HMCN2: variants seen among roughly 807,000 people sequenced by gnomAD.
HMCN2 encodes hemicentin-2.
In HMCN2, 325 loss-of-function variants were observed where a neutral mutation model predicts 377.5. The observed-to-expected ratio is 0.86, with a 90% CI of 0.79 to 0.94. The LOEUF is 0.94. HMCN2 is among the 40% of genes least tolerant of loss of function. The probability of loss-of-function intolerance (pLI) is 0.00; values close to 1 mark genes in which losing one functional copy is unlikely to be tolerated. For missense variants in HMCN2, 4,543 were observed against 4,725.3 expected, an observed-to-expected ratio of 0.96 and a Z score of 1.13; for synonymous variants, 2,007 against 2,046.8, an observed-to-expected ratio of 0.98 and a Z score of 0.53.
chr9:130,382,708 G>T lies in HMCN2; in HGVS notation c.8575G>T (p.Glu2859Ter). 1 of 985,810 alleles carries T rather than the reference G, an allele frequency of 1.0e-6. No individual in the cohort carries two copies. 61.1% of individuals were successfully genotyped at this position (985,810 alleles called of 1,614,324 possible). ...TPPVILGDTE[E>*]LVEEVTVNAS... ...ACCTGTGATCCTGGGTGACACAGAGGAGCTGGTGGAAGAGGTGACAGTCAA... is the reference window on the plus strand; with the variant it reads ...ACCTGTGATCCTGGGTGACACAGAGTAGCTGGTGGAAGAGGTGACAGTCAA... The change falls in exon 56 of 98, where the codon GAG becomes TAG. Residue 2859 changes from glutamate to a stop codon, truncating the protein, a stop_gained. Coordinates refer to ENST00000683500, the MANE Select transcript of HMCN2 (RefSeq NM_001291815.2). LOFTEE classifies it high-confidence loss of function.
rs1841907438 is a variant in HMCN2 at position 130,384,454 on chromosome 9, A to G, written c.8912A>G (p.His2971Arg). 1 of 1,304,046 alleles carries G rather than the reference A, an allele frequency of 7.7e-7. No individual in the cohort carries two copies. The highest frequency in any genetic ancestry group is 1.2e-5 in the South Asian group (1 of 81,034). 80.8% of individuals were successfully genotyped at this position (1,304,046 alleles called of 1,614,324 possible). A position where few individuals can be genotyped will look rare whatever the true frequency, so the allele number is the denominator to read the frequency against. Residue 2971 changes from histidine to arginine, a missense_variant, in exon 58 of 98, where the codon CAC becomes CGC. This residue lies in a region of HMCN2 where 736 missense variants were observed against 773.2 expected (regional missense o/e 0.95). Transcript: ENST00000683500. ...NSSVSLPCDV[H>R]AHPNPEVTWY... ...AGCGTCTCCCTCCCTTGCGACGTCC[A>G]CGCTCACCCAAACCCCGAGGTCACG... is the stretch of plus-strand genomic sequence containing the variant.
intron 13 of HMCN2, among the ~76,000 whole-genome samples, 196 bp from the exon 14 acceptor site, chr9:130,307,257 T>C (rs1836924416): frequency 6.6e-6 from 1 of 152,036 alleles, no homozygotes; most frequent in African/African-American, 2.4e-5. Context: ...CAGTGACCCT[T>C]GCCTTAGGGT....
At position 130,304,410 on chromosome 9, in the gene HMCN2, G is replaced by A. The variant is rs782727388; in HGVS notation, c.1544-320G>A. Among the ~76,000 whole-genome samples the A allele has an allele frequency of 2.1e-4, 32 of 152,170 alleles. No individual in the cohort carries two copies. Among genetic ancestry groups the A allele is most frequent in the Non-Finnish European group, 5.9e-5 (4 of 68,032 alleles). On this transcript the variant is annotated intron_variant, in intron 10 of 97. Coordinates refer to ENST00000683500, the MANE Select transcript of HMCN2 (RefSeq NM_001291815.2). This position sits in a 1 kb window ranked among gnomAD's most constrained non-coding sequence, Gnocchi z 4.3. ...GACTTCCAAGGCTTTATTCCTCAGC[G>A]TGGCATCTTCAGCTCGGAGGCATGA...
intron 87 of HMCN2, among the ~76,000 whole-genome samples, chr9:130,424,454 G>A (rs951780252): frequency 4.6e-5 from 7 of 151,808 alleles, no homozygotes; most frequent in African/African-American, 1.7e-4. Context: ...CCAAAGTGCT[G>A]GGATTACAGG....
chr9:130,394,948 C>G lies in HMCN2; in HGVS notation c.10693-79C>G, dbSNP rs962007738. The G allele has an allele frequency of 3.4e-5, 32 of 951,540 alleles. No homozygotes were observed. Among genetic ancestry groups the G allele is most frequent in the Non-Finnish European group, 4.4e-5 (31 of 704,750 alleles). 58.9% of individuals were successfully genotyped at this position (951,540 alleles called of 1,614,324 possible). On this transcript the variant is annotated intron_variant, in intron 69 of 97. Transcript: ENST00000683500. The surrounding 1 kb of genome is among the most constrained non-coding windows in gnomAD (Gnocchi z 5.1). ...GGCTGAGTTTGAATCCTGGGTCCCTCGATGCATGAGAAAGAAACCAGATTG... is the reference window on the plus strand; with the variant it reads ...GGCTGAGTTTGAATCCTGGGTCCCTGGATGCATGAGAAAGAAACCAGATTG...
intron 90 of HMCN2, 25 bp downstream of exon 90, chr9:130,425,949 C>A: frequency 6.7e-7 from 1 of 1,500,034 alleles, no homozygotes; most frequent in Non-Finnish European, 9.0e-7. Flanking sequence ...CTTTGTTCCA[C>A]CCCCACTGCC....
intron 23 of HMCN2, among the ~76,000 whole-genome samples, chr9:130,339,134 C>G (rs1838917020): frequency 6.6e-6 from 1 of 152,174 alleles, no homozygotes; most frequent in Non-Finnish European, 1.5e-5. Flanking sequence ...GCTGCAGTGA[C>G]CTGTGATCGT....
chr9:130,267,094 C>A (rs565134549), intron 1 of HMCN2, among the ~76,000 whole-genome samples: 1 of 151,968 alleles, frequency 6.6e-6, no homozygotes, highest in African/African-American at 2.4e-5. Flanking sequence ...TACAAGCATA[C>A]GCCACCATGC....
intron 40 of HMCN2, among the ~76,000 whole-genome samples, chr9:130,363,820 CAAA>C (rs35226924): frequency 4.2e-5 from 5 of 118,000 alleles, no homozygotes; most frequent in Admixed American, 9.2e-5. Context: ...CAGACTCTGT[CAAA>C]AAAAAAAAAA....
intron 1 of HMCN2, among the ~76,000 whole-genome samples, chr9:130,278,870 C>G (rs2131254952): frequency 6.6e-6 from 1 of 151,056 alleles, no homozygotes; most frequent in Non-Finnish European, 1.5e-5. Context: ...CGTGAGCCAC[C>G]TCACCCAGCC....
chr9:130,346,810 C>G (rs1177369971), intron 25 of HMCN2, among the ~76,000 whole-genome samples: 1 of 151,518 alleles, frequency 6.6e-6, no homozygotes, highest in African/African-American at 2.4e-5. Flanking sequence ...AAGTGGAGGA[C>G]GACGGCTGAA....
intron 35 of HMCN2, 99 bp downstream of exon 35, chr9:130,358,087 G>C: frequency 9.2e-7 from 1 of 1,082,168 alleles, no homozygotes; most frequent in Non-Finnish European, 1.2e-6. Flanking sequence ...CCAGCAGGCT[G>C]GGCATAGGAA....
At chr9:130,328,624 T>C (rs1588249380) in intron 22 of HMCN2, among the ~76,000 whole-genome samples, 1 of 151,782 alleles carries the variant, frequency 6.6e-6, no homozygotes, top group South Asian at 2.1e-4. Context: ...TGAGAGTTTA[T>C]CTAAATAAGG....
At chr9:130,396,514 G>A (rs74485877) in intron 73 of HMCN2, among the ~76,000 whole-genome samples, 11,499 of 152,200 alleles carry the variant, frequency 0.076, 593 homozygotes, top group African/African-American at 0.15. Flanking sequence ...TAGATGGGGC[G>A]GGGTAGAGGG....
intron 15 of HMCN2, among the ~76,000 whole-genome samples, chr9:130,313,312 G>A (rs910520482): frequency 6.7e-6 from 1 of 150,304 alleles, no homozygotes; most frequent in Non-Finnish European, 1.5e-5. Flanking sequence ...CTGGGGCATA[G>A]GAAGGGAGGC....
chr9:130,389,496 G>T (rs1338427762), intron 62 of HMCN2, among the ~76,000 whole-genome samples: 1 of 151,944 alleles, frequency 6.6e-6, no homozygotes, highest in Non-Finnish European at 1.5e-5. Flanking sequence ...ATCATAGAGT[G>T]TGTGGCCTTT....
At chr9:130,277,718 C>CCACCACCACCACCATCATCAT (rs1564739192) in intron 1 of HMCN2, among the ~76,000 whole-genome samples, 2 of 138,480 alleles carry the variant, frequency 1.4e-5, no homozygotes, top group East Asian at 2.1e-4. Flanking sequence ...ATCATCATCA[C>CCACCACCACCACCATCATCAT]CACCACCACC....
At chr9:130,348,933 G>C (rs963404111) in intron 27 of HMCN2, 51 bp from the exon 28 acceptor site, 2 of 1,284,106 alleles carry the variant, frequency 1.6e-6, no homozygotes, top group Admixed American at 4.7e-5. Flanking sequence ...TGATGCTGGG[G>C]GTGGTGGCTG....
chr9:130,419,871 GA>G (rs1045194767), intron 86 of HMCN2, among the ~76,000 whole-genome samples: 1 of 152,156 alleles, frequency 6.6e-6, no homozygotes, highest in African/African-American at 2.4e-5. Context: ...AAATCCACGT[GA>G]AACCCACTGC....
Sources: allele counts gnomAD v4.1 joint callset (sites outside exome capture counted in the v4.1 genomes callset), GRCh38; gene constraint gnomAD v4.1.1; regional missense constraint gnomAD v4.1.1; non-coding constraint Gnocchi (gnomAD v3.1); transcripts MANE v1.5; gene names NCBI Gene and HGNC (gene_info 2026-07-23, HGNC 2026-07-21).